The following HTT variants were observed in gnomAD, a reference collection of about 807,000 sequenced individuals.
The protein encoded by HTT is huntingtin.
In HTT, 104 loss-of-function variants were observed where a neutral mutation model predicts 362.3. That is an observed-to-expected ratio of 0.29 (90% CI 0.24 to 0.34). The LOEUF (loss-of-function observed/expected upper bound fraction) is 0.34, where lower values mean the gene tolerates loss of function less well. Among genes scored for constraint, HTT ranks in the 10% least tolerant of loss-of-function variants. The pLI, the probability that HTT is intolerant of heterozygous loss-of-function variation, is 1.00. For synonymous variants in HTT, 1,577 were observed against 1,548.7 expected (o/e 1.02, Z -0.43); for missense variants, 3,301 against 3,928.6 (o/e 0.84, Z 4.27).
chr4:3,113,340 T>C (rs1714858415), intron 6 of HTT, among the ~76,000 whole-genome samples: 1 of 152,130 alleles, frequency 6.6e-6, no homozygotes, highest in Non-Finnish European at 1.5e-5. Context: ...GATTTTTTTT[T>C]TTTCTTTGAG....
chr4:3,133,014 A>C, intron 18 of HTT, 103 bp downstream of exon 18: 1 of 891,586 alleles, frequency 1.1e-6, no homozygotes, highest in Non-Finnish European at 1.9e-6. Context: ...ATGCACTCTA[A>C]AGCTGTAACC....
rs747663549 is a variant in HTT, at chr4:3,172,305, C to T, written c.3865-15C>T. 3.3e-6 allele frequency: 5 copies of T among 1,518,676 alleles called. No individual in the cohort carries two copies. In the South Asian group the frequency reaches 5.6e-5, roughly 17 times the overall value. 94.1% of individuals were successfully genotyped at this position (1,518,676 alleles called of 1,614,324 possible). A position where few individuals can be genotyped will look rare whatever the true frequency, so the allele number is the denominator to read the frequency against. ...CATCTCTGAGTCGCTTAATGTCTCA[C>T]TTGTCTTTCTACAGTGTGTTGAAGA... On this transcript the variant is annotated splice_polypyrimidine_tract_variant and intron_variant, in intron 29 of 66. Transcript: ENST00000355072.
chr4:3,104,431 A>G (rs1714321827), intron 4 of HTT, among the ~76,000 whole-genome samples: 1 of 151,884 alleles, frequency 6.6e-6, no homozygotes, highest in Non-Finnish European at 1.5e-5. Context: ...CAACATGGAG[A>G]AACCCTGTCT....
Position 3,115,315 on chromosome 4 carries a change from G to A in HTT, c.759G>A (p.Lys253=). The A allele has an allele frequency of 6.2e-7, 1 of 1,613,874 alleles. No individual in the cohort carries two copies. Among genetic ancestry groups the A allele is most frequent in the South Asian group, 1.1e-5 (1 of 91,030 alleles). ...ANDNEIKVLL[K]AFIANLKSSS... Reference sequence around the variant, plus strand: ...TTTTGCTTCCGTAGGTTTTGTTAAAGGCCTTCATAGCGAACCTGAAGTCAA... The same window carrying A: ...TTTTGCTTCCGTAGGTTTTGTTAAAAGCCTTCATAGCGAACCTGAAGTCAA... Residue 253 remains lysine (K), a synonymous_variant, in exon 7 of 67, where the codon AAG becomes AAA. Transcript: ENST00000355072.
intron 39 of HTT, chr4:3,188,630 G>T: frequency 4.7e-6 from 1 of 212,692 alleles, no homozygotes; most frequent in East Asian, 1.4e-4. Context: ...CTTTCCCTGT[G>T]TCGCATTGAA....
intron 2 of HTT, among the ~76,000 whole-genome samples, chr4:3,095,084 G>A (rs1713775679): frequency 1.3e-5 from 2 of 152,064 alleles, no homozygotes; most frequent in South Asian, 4.1e-4. Flanking sequence ...CCCAGACGAT[G>A]GGCGGCCAGG....
chr4:3,121,405 C>T lies in HTT; in HGVS notation c.1246C>T (p.Arg416Cys), dbSNP rs367833914. 8 of 1,613,734 alleles carry T rather than the reference C, an allele frequency of 5.0e-6. No homozygotes were observed. The highest frequency in any genetic ancestry group is 2.7e-5 in the African/African-American group (2 of 74,858). ...TAAGGAGGAGTCTGGTGGCCGAAGC[C>T]GTAGTGGGAGTATTGTGGAACTTAT... ...AAKEESGGRS[R>C]SGSIVELIAG... The change falls in exon 9 of 67, where the codon CGT becomes TGT. Residue 416 changes from arginine (R) to cysteine (C), a missense_variant. Around this residue, in one of 4 missense-constraint regions of HTT, gnomAD observed 2,316 missense variants for 2,658.5 expected, o/e 0.87. Transcript: ENST00000355072.
At chr4:3,236,858 G>T (rs1042347729) in intron 64 of HTT, among the ~76,000 whole-genome samples, 2 of 152,042 alleles carry the variant, frequency 1.3e-5, no homozygotes, top group Middle Eastern at 6.8e-3. Context: ...TCAAGGACAA[G>T]GGCCCCTGAT....
intron 39 of HTT, 112 bp downstream of exon 39, chr4:3,187,998 G>A: frequency 1.5e-6 from 1 of 654,618 alleles, no homozygotes; most frequent in East Asian, 2.7e-5. Context: ...TTCTGAGTTG[G>A]GTAAAGAAGT....
intron 18 of HTT, 111 bp from the exon 19 acceptor site, chr4:3,134,290 A>G (rs1715960357): frequency 1.2e-6 from 1 of 832,930 alleles, no homozygotes; most frequent in Non-Finnish European, 1.9e-6. Flanking sequence ...TCCTGGTTGC[A>G]GTTAAACCCA....
intron 40 of HTT, among the ~76,000 whole-genome samples, chr4:3,199,144 G>A (rs1481147166): frequency 9.9e-5 from 15 of 152,206 alleles, no homozygotes; most frequent in East Asian, 3.8e-4. Context: ...TCAGACTTTC[G>A]CAGCTCTTGG....
At chr4:3,230,077 A>C in intron 60 of HTT, 35 bp downstream of exon 60, 1 of 1,592,214 alleles carries the variant, frequency 6.3e-7, no homozygotes, top group Non-Finnish European at 8.6e-7. Flanking sequence ...TTCTGTGCTG[A>C]AGCCACGGGG....
rs974119382 is a variant in HTT at position 3,242,205 on chromosome 4, C to G, written c.*2146C>G. The G allele has an allele frequency of 6.6e-6, 1 of 152,178 alleles. No homozygotes were observed. The highest frequency in any genetic ancestry group is 1.5e-5 in the Non-Finnish European group (1 of 68,038). 9.4% of individuals were successfully genotyped at this position (152,178 alleles called of 1,614,324 possible). ...AGCCATTCCCTTGGAATGCATATCG[C>G]TGGGCTCAACATAGAGTTTGTCTTC... On this transcript the variant is annotated 3_prime_UTR_variant, in exon 67 of 67. Coordinates refer to ENST00000355072, the MANE Select transcript of HTT (RefSeq NM_001388492.1).
At chr4:3,234,774 TG>T (rs1262839866) in intron 61 of HTT, among the ~76,000 whole-genome samples, 5 of 152,026 alleles carry the variant, frequency 3.3e-5, no homozygotes, top group Non-Finnish European at 5.9e-5. Context: ...TTGTGGGTGT[TG>T]GGGGGCATCG....
At position 3,242,495 on chromosome 4, in the gene HTT, T is replaced by C. The variant is rs1438984234; in HGVS notation, c.*2436T>C. The C allele has an allele frequency of 6.6e-6, 1 of 152,172 alleles. No individual in the cohort carries two copies. Among genetic ancestry groups the C allele is most frequent in the East Asian group, 1.9e-4 (1 of 5,194 alleles). 9.4% of individuals were successfully genotyped at this position (152,172 alleles called of 1,614,324 possible). On this transcript the variant is annotated 3_prime_UTR_variant, in exon 67 of 67. Coordinates refer to ENST00000355072, the MANE Select transcript of HTT (RefSeq NM_001388492.1). ...TGCCCGTGTCGGTTCTTCCTGGAAG[T>C]TGACTTTCCTTAGACCCGCCAGGTC...
chr4:3,171,373 C>G (rs1353482185), intron 29 of HTT, among the ~76,000 whole-genome samples: 4 of 151,884 alleles, frequency 2.6e-5, no homozygotes, highest in African/African-American at 9.7e-5. Flanking sequence ...CGTGATTAGC[C>G]AGGCAGTGGT....
Position 3,180,264 on chromosome 4 carries a change from T to C in HTT, c.4613-251T>C, listed in dbSNP as rs1005614522. On this transcript the variant is annotated intron_variant, in intron 35 of 66. Coordinates refer to ENST00000355072, the MANE Select transcript of HTT (RefSeq NM_001388492.1). ...TTGAGTCACCTTTTTTCAGAAGTGG[T>C]GTTAAATTATAGGAGCCCTAGGTTT... Among the ~76,000 whole-genome samples the C allele has an allele frequency of 3.3e-5, 5 of 152,322 alleles. No individual in the cohort carries two copies. In the East Asian group the frequency reaches 9.6e-4, roughly 29 times the overall value.
chr4:3,080,056 C>A (rs1043272194), intron 1 of HTT, among the ~76,000 whole-genome samples: 18 of 151,702 alleles, frequency 1.2e-4, no homozygotes, highest in African/African-American at 4.4e-4. Flanking sequence ...AAAAATAAGT[C>A]TGGGGAAATT....
chr4:3,229,383 G>A (rs1307158390), intron 59 of HTT, among the ~76,000 whole-genome samples: 2 of 132,730 alleles, frequency 1.5e-5, no homozygotes, highest in Non-Finnish European at 3.1e-5. Flanking sequence ...CATGCCACGT[G>A]CACACACCCC....
Sources: gnomAD v4.1 joint callset for allele counts (sites outside exome capture counted in the v4.1 genomes callset) on GRCh38, gnomAD v4.1.1 for gene constraint, gnomAD v4.1.1 regional missense constraint, MANE v1.5 for transcripts, NCBI Gene and HGNC (gene_info 2026-07-23, HGNC 2026-07-21) for gene names.